The following OSBP2 variants were observed in gnomAD, a reference collection of about 807,000 sequenced individuals.
OSBP2 encodes the protein oxysterol-binding protein 2.
In OSBP2, 66 loss-of-function variants were observed where a neutral mutation model predicts 96.0. The observed-to-expected ratio is 0.69, with a 90% CI of 0.56 to 0.84. The LOEUF (loss-of-function observed/expected upper bound fraction) is 0.84. Ranked by LOEUF, OSBP2 falls within the 40% of genes least tolerant of loss-of-function variation. The probability of loss-of-function intolerance (pLI) is 0.00; values close to 1 mark genes in which losing one functional copy is unlikely to be tolerated. For synonymous variants in OSBP2, 525 were observed against 520.9 expected (o/e 1.01, Z -0.11); for missense variants, 1,038 against 1,222.7 (o/e 0.85, Z 2.25).
chr22:30,729,284 C>T (rs5997745), intron 1 of OSBP2, among the ~76,000 whole-genome samples: 5,831 of 152,236 alleles, frequency 0.038, 184 homozygotes, highest in African/African-American at 0.082. Context: ...CTAGCACTGC[C>T]ATGTTCATTG....
At chr22:30,864,019 G>A (rs1209971387) in intron 2 of OSBP2, among the ~76,000 whole-genome samples, 2 of 150,402 alleles carry the variant, frequency 1.3e-5, no homozygotes, top group Non-Finnish European at 3.0e-5. Context: ...CGCCCAGGCT[G>A]GAGTGCAGTG....
chr22:30,905,818 GCCA>G lies in OSBP2; in HGVS notation c.2376-10_2376-8del, dbSNP rs1016059493. 1 of 1,610,302 alleles carries G rather than the reference GCCA, an allele frequency of 6.2e-7. No homozygotes were observed. The highest frequency in any genetic ancestry group is 8.5e-7 in the Non-Finnish European group (1 of 1,178,916). ...GGCTCACACCGCAGCCACCGCCACC[GCCA>G]CCACCACCGCCACAGGGAGAACGCG... On this transcript the variant is annotated splice_polypyrimidine_tract_variant and intron_variant, in intron 12 of 13. Transcript: ENST00000332585.
At chr22:30,708,028 C>CGG (rs1048212991) in intron 1 of OSBP2, among the ~76,000 whole-genome samples, 1 of 151,908 alleles carries the variant, frequency 6.6e-6, no homozygotes, top group Admixed American at 6.6e-5. Flanking sequence ...GATGGGATTA[C>CGG]GGGCATCTGC....
At chr22:30,864,921 G>T (rs2039299921) in intron 2 of OSBP2, among the ~76,000 whole-genome samples, 1 of 152,112 alleles carries the variant, frequency 6.6e-6, no homozygotes, top group Non-Finnish European at 1.5e-5. Context: ...GCAAGCAAGT[G>T]GGGTGGCCGC....
Position 30,893,560 on chromosome 22 carries a change from C to T in OSBP2, c.2088C>T (p.Ile696=), listed in dbSNP as rs772626716. ...ACATCATCGTGGGCAAGCTCTGGATCGACCAGGTCAGGGGCGCCCTTGGGG... is the reference window on the plus strand; with the variant it reads ...ACATCATCGTGGGCAAGCTCTGGATTGACCAGGTCAGGGGCGCCCTTGGGG... The part of the protein sequence containing the change: ...VHNIIVGKLW[I]DQSGDIEIVN... Residue 696 remains isoleucine, a synonymous_variant, in exon 10 of 14, where the codon ATC becomes ATT. Coordinates refer to ENST00000332585, the MANE Select transcript of OSBP2 (RefSeq NM_030758.4). The T allele has an allele frequency of 3.1e-6, 5 of 1,613,848 alleles. No homozygotes were observed. The highest frequency in any genetic ancestry group is 1.7e-5 in the Admixed American group (1 of 60,008).
Position 30,881,323 on chromosome 22 carries a change from CAGG to C in OSBP2, c.1108-6100_1108-6098del, listed in dbSNP as rs1466139029. Among the ~76,000 whole-genome samples the C allele has an allele frequency of 6.6e-6, 1 of 152,194 alleles. No individual in the cohort carries two copies. The highest frequency in any genetic ancestry group is 1.5e-5 in the Non-Finnish European group (1 of 68,014). On this transcript the variant is annotated intron_variant, in intron 3 of 13. Transcript: ENST00000332585. This position sits in a 1 kb window ranked among gnomAD's most constrained non-coding sequence, Gnocchi z 4.5. ...ACTCTGTAGGAGCCCAGGAGGGCGC[CAGG>C]AGATTACAGGCCTGTCCCAGGATTG...
intron 1 of OSBP2, among the ~76,000 whole-genome samples, chr22:30,704,364 C>T (rs1452746984): frequency 6.6e-6 from 1 of 152,136 alleles, no homozygotes; most frequent in Non-Finnish European, 1.5e-5. Flanking sequence ...CGCTTAATCC[C>T]TCCACCACCG....
At position 30,696,874 on chromosome 22, in the gene OSBP2, G is replaced by T. The variant is rs527327532; in HGVS notation, c.644+1321G>T. 2.0e-5 allele frequency among the ~76,000 whole-genome samples: 3 copies of T among 152,132 alleles called. No homozygotes were observed. The South Asian group carries it at 6.2e-4, about 32-fold the overall frequency. ...GGGTTTCACCATGTTGCCCAGGCTG[G>T]TTTCGAACTCCTGACCTCAGGTGAT... On this transcript the variant is annotated intron_variant, in intron 1 of 13. Coordinates refer to ENST00000332585, the MANE Select transcript of OSBP2 (RefSeq NM_030758.4).
intron 2 of OSBP2, among the ~76,000 whole-genome samples, chr22:30,776,155 T>G (rs1027200966): frequency 4.6e-5 from 7 of 151,458 alleles, no homozygotes; most frequent in African/African-American, 1.7e-4. Context: ...AGACAGGGTC[T>G]CACTCTGTCA....
intron 2 of OSBP2, among the ~76,000 whole-genome samples, chr22:30,787,586 T>G (rs2090610663): frequency 6.6e-6 from 1 of 152,060 alleles, no homozygotes; most frequent in African/African-American, 2.4e-5. Context: ...AGCATGAGAA[T>G]CACTTGAACC....
chr22:30,823,971 A>T (rs1398394609), intron 2 of OSBP2, among the ~76,000 whole-genome samples: 1 of 152,218 alleles, frequency 6.6e-6, no homozygotes, highest in Non-Finnish European at 1.5e-5. Context: ...AGTTAGTTTT[A>T]AAAAGAAAAG....
At chr22:30,828,178 G>T (rs2038443701) in intron 2 of OSBP2, among the ~76,000 whole-genome samples, 1 of 152,182 alleles carries the variant, frequency 6.6e-6, no homozygotes, top group African/African-American at 2.4e-5. Context: ...CCAGATGGAG[G>T]TCTCGAATCT....
intron 2 of OSBP2, among the ~76,000 whole-genome samples, chr22:30,797,942 A>G (rs1418873549): frequency 2.0e-5 from 3 of 152,200 alleles, no homozygotes; most frequent in Non-Finnish European, 4.4e-5. Context: ...AGACCCTGGT[A>G]TATGCCCAGA....
chr22:30,731,342 G>A (rs956199422), intron 1 of OSBP2, among the ~76,000 whole-genome samples: 10 of 152,004 alleles, frequency 6.6e-5, no homozygotes, highest in Admixed American at 2.0e-4. Flanking sequence ...ACGGTGGGTC[G>A]CTCAGCAAGC....
chr22:30,907,778 A>C lies in OSBP2; in HGVS notation c.*1439A>C, dbSNP rs2040361575. Reference sequence around the variant, plus strand: ...CCCCAACACTGTTTTGTTAGCGAGCACCTTTTGACCAGTAATAAAAAACCT... The same window carrying C: ...CCCCAACACTGTTTTGTTAGCGAGCCCCTTTTGACCAGTAATAAAAAACCT... On this transcript the variant is annotated 3_prime_UTR_variant, in exon 14 of 14. Transcript: ENST00000332585. The C allele has an allele frequency of 6.6e-6, 1 of 152,572 alleles. No individual in the cohort carries two copies. Among genetic ancestry groups the C allele is most frequent in the Non-Finnish European group, 1.5e-5 (1 of 68,054 alleles). The allele number at this position is 152,572 out of a possible 1,614,324, so 9.5% of individuals were successfully genotyped here.
chr22:30,843,522 GTCA>G (rs2038802351), intron 2 of OSBP2, among the ~76,000 whole-genome samples: 1 of 151,268 alleles, frequency 6.6e-6, no homozygotes, highest in South Asian at 2.1e-4. Flanking sequence ...CAGGTGTGCT[GTCA>G]TTCAGGCTTC....
At chr22:30,872,212 C>T in intron 3 of OSBP2, 1 of 456,178 alleles carries the variant, frequency 2.2e-6, no homozygotes, top group East Asian at 6.9e-5. Context: ...CTCCTTACAG[C>T]CCACAGACCA....
chr22:30,697,306 G>C (rs1472038397), intron 1 of OSBP2, among the ~76,000 whole-genome samples: 1 of 152,018 alleles, frequency 6.6e-6, no homozygotes, highest in African/African-American at 2.4e-5. Flanking sequence ...TTGAGATGGA[G>C]TCTCACTCTG....
At chr22:30,721,054 G>A (rs1006375194) in intron 1 of OSBP2, among the ~76,000 whole-genome samples, 4 of 152,020 alleles carry the variant, frequency 2.6e-5, no homozygotes, top group African/African-American at 9.7e-5. Flanking sequence ...GTGAAACCCC[G>A]TCTCTACTAA....
Sources: allele counts gnomAD v4.1 joint callset (sites outside exome capture counted in the v4.1 genomes callset), GRCh38; gene constraint gnomAD v4.1.1; non-coding constraint Gnocchi (gnomAD v3.1); transcripts MANE v1.5; gene names NCBI Gene and HGNC (gene_info 2026-07-23, HGNC 2026-07-21).